THSD4: variants seen among roughly 807,000 people sequenced by gnomAD.
The protein encoded by THSD4 is thrombospondin type 1 domain containing 4, also known as thrombospondin type-1 domain-containing protein 4.
A neutral mutation model predicts 119.0 loss-of-function variants in THSD4; 69 were observed. The ratio of observed to expected loss-of-function variants is 0.58; its 90% CI spans 0.48 to 0.71. The LOEUF (loss-of-function observed/expected upper bound fraction) is 0.71. Among genes scored for constraint, THSD4 ranks in the 30% least tolerant of loss-of-function variants. The pLI is 0.00. For missense variants in THSD4, 1,393 were observed against 1,391.1 expected (o/e 1.00, Z -0.02); for synonymous variants, 524 against 540.4 (o/e 0.97, Z 0.42).
chr15:71,663,537 A>G (rs2051354866), intron 8 of THSD4, among the ~76,000 whole-genome samples: 1 of 152,226 alleles, frequency 6.6e-6, no homozygotes, highest in Admixed American at 6.5e-5. Flanking sequence ...CACATGCCAT[A>G]AAATTCATCC....
At chr15:71,415,507 C>A (rs149463396) in intron 7 of THSD4, among the ~76,000 whole-genome samples, 1 of 152,312 alleles carries the variant, frequency 6.6e-6, no homozygotes, top group East Asian at 1.9e-4. Flanking sequence ...GGGTATCCAT[C>A]CCCTCAAGCA....
chr15:71,299,971 AAAAAAATAT>A (rs68109952), intron 6 of THSD4, among the ~76,000 whole-genome samples: 16,224 of 106,724 alleles, frequency 0.15, 1,143 homozygotes, highest in South Asian at 0.26. Flanking sequence ...AAAAAAAAAA[AAAAAAATAT>A]ATATATATAT....
rs1304300144 is a variant in THSD4, at chr15:71,242,966, ACAGCCCAGAAAC to A, written c.783_794del (p.His261_Thr265delinsGln). 1.2e-6 allele frequency: 2 copies of A among 1,614,170 alleles called. No individual in the cohort carries two copies. The highest frequency in any genetic ancestry group is 1.7e-6 in the Non-Finnish European group (2 of 1,180,030). ...TACCCTGCAGCTTCAAGTCTCTTTC[ACAGCCCAGAAAC>A]AAGCAACAACCACGGTGTGGGGACC... On this transcript the variant is annotated inframe_deletion, in exon 5 of 18. Coordinates refer to ENST00000261862, the MANE Select transcript of THSD4 (RefSeq NM_024817.3).
chr15:71,112,339 T>G, upstream of THSD4: 8 of 1,068,174 alleles, frequency 7.5e-6, no homozygotes, highest in East Asian at 2.7e-5. Flanking sequence ...AATTAATTAA[T>G]AATTATAATA....
rs1414242246 is a variant in THSD4, at chr15:71,442,664, A to ATGTATGTATGTG, written c.1152+30842_1152+30843insGTATGTATGTGT. On this transcript the variant is annotated intron_variant, in intron 7 of 17. Transcript: ENST00000261862. Reference sequence around the variant, plus strand: ...TGTATATGTGTGTGTGTGTGTGTATATATATATATATATATATATATATAT... The same window carrying ATGTATGTATGTG: ...TGTATATGTGTGTGTGTGTGTGTATATGTATGTATGTGTATATATATATATATATATATATAT... Among the ~76,000 whole-genome samples the ATGTATGTATGTG allele has an allele frequency of 4.8e-3, 162 of 33,446 alleles. 4 individuals carry two copies. Among genetic ancestry groups the ATGTATGTATGTG allele is most frequent in the Non-Finnish European group, 8.1e-3 (126 of 15,472 alleles). The allele number at this position is 33,446 out of a possible 152,430, so 21.9% of individuals were successfully genotyped here.
chr15:71,128,229 A>G (rs1447942661), intron 1 of THSD4, among the ~76,000 whole-genome samples: 2 of 152,130 alleles, frequency 1.3e-5, no homozygotes, highest in African/African-American at 4.8e-5. Flanking sequence ...GAAGAAAAAA[A>G]AAAAGAATAG....
At chr15:71,439,555 C>G (rs2047061391) in intron 7 of THSD4, among the ~76,000 whole-genome samples, 1 of 152,180 alleles carries the variant, frequency 6.6e-6, no homozygotes, top group Non-Finnish European at 1.5e-5. Flanking sequence ...TATAAAGACA[C>G]ATGCACATCT....
At chr15:71,425,591 C>T (rs2046857055) in intron 7 of THSD4, among the ~76,000 whole-genome samples, 1 of 152,156 alleles carries the variant, frequency 6.6e-6, no homozygotes. Flanking sequence ...TGTGTCAGTC[C>T]CTAACACTGC....
chr15:71,344,592 A>T (rs1286377054), intron 6 of THSD4, among the ~76,000 whole-genome samples: 3 of 152,092 alleles, frequency 2.0e-5, no homozygotes, highest in African/African-American at 7.2e-5. Flanking sequence ...CCTCCACAGT[A>T]CTCAGCACTG....
chr15:71,324,017 C>T (rs935950653), intron 6 of THSD4, among the ~76,000 whole-genome samples: 3 of 152,138 alleles, frequency 2.0e-5, no homozygotes, highest in South Asian at 2.1e-4. Flanking sequence ...CTGTCTCTGT[C>T]GTGAGTGATT....
intron 14 of THSD4, among the ~76,000 whole-genome samples, chr15:71,751,650 G>GTTTTTA (rs375557304): frequency 0.044 from 6,702 of 151,128 alleles, 178 homozygotes; most frequent in African/African-American, 0.072. Context: ...GGATTTTCTA[G>GTTTTTA]TTTTTATTTT....
intron 3 of THSD4, among the ~76,000 whole-genome samples, chr15:71,180,973 G>T (rs1215220783): frequency 6.6e-6 from 1 of 152,118 alleles, no homozygotes; most frequent in African/African-American, 2.4e-5. Flanking sequence ...AGAAGACAGT[G>T]CAGTGAATCA....
intron 7 of THSD4, among the ~76,000 whole-genome samples, chr15:71,478,162 C>T (rs2047678741): frequency 6.6e-6 from 1 of 152,140 alleles, no homozygotes; most frequent in African/African-American, 2.4e-5. Context: ...TCATCCTGAG[C>T]AAGTGAGGCC....
At chr15:71,706,499 T>C (rs2052395509) in intron 8 of THSD4, among the ~76,000 whole-genome samples, 1 of 152,146 alleles carries the variant, frequency 6.6e-6, no homozygotes. Flanking sequence ...GTTGGGATTG[T>C]CCAAGGGATA....
intron 8 of THSD4, among the ~76,000 whole-genome samples, chr15:71,681,638 T>G (rs7175039): frequency 0.03 from 4,376 of 145,136 alleles, 231 homozygotes; most frequent in African/African-American, 0.11. Flanking sequence ...TGGTTCCACT[T>G]AACTCTAGCC....
upstream of THSD4, among the ~76,000 whole-genome samples, chr15:71,112,478 G>A (rs529504927): frequency 5.3e-5 from 8 of 152,280 alleles, no homozygotes; most frequent in South Asian, 1.5e-3. Flanking sequence ...AGGGCAAAAG[G>A]TTTCAAGTCA....
chr15:71,423,188 G>A (rs1432685446), intron 7 of THSD4, among the ~76,000 whole-genome samples: 2 of 152,030 alleles, frequency 1.3e-5, no homozygotes, highest in Non-Finnish European at 2.9e-5. Context: ...ACTCCACTAT[G>A]GCCAAACTGG....
chr15:71,472,623 T>C (rs1314680966), intron 7 of THSD4, among the ~76,000 whole-genome samples: 2 of 152,336 alleles, frequency 1.3e-5, no homozygotes, highest in East Asian at 1.9e-4. Flanking sequence ...AAAAGTCTCC[T>C]GAGGAATTTT....
At chr15:71,375,465 G>A (rs553193869) in intron 6 of THSD4, among the ~76,000 whole-genome samples, 8 of 152,232 alleles carry the variant, frequency 5.3e-5, no homozygotes, top group African/African-American at 1.9e-4. Context: ...GTAATTGCCT[G>A]TTCAGTTGTT....
Sources: allele counts gnomAD v4.1 joint callset (sites outside exome capture counted in the v4.1 genomes callset), GRCh38; gene constraint gnomAD v4.1.1; transcripts MANE v1.5; gene names NCBI Gene and HGNC (gene_info 2026-07-23, HGNC 2026-07-21).